LINGO2: variants seen among roughly 807,000 people sequenced by gnomAD.
The protein encoded by LINGO2 is leucine-rich repeat and immunoglobulin-like domain-containing nogo receptor-interacting protein 2.
A neutral mutation model predicts 30.6 loss-of-function variants in LINGO2; 14 were observed. That is an observed-to-expected ratio of 0.46 (90% CI 0.30 to 0.72). The LOEUF is 0.72. Among genes scored for constraint, LINGO2 ranks in the 30% least tolerant of loss-of-function variants. The pLI, the probability that LINGO2 is intolerant of heterozygous loss-of-function variation, is 0.07. For synonymous variants in LINGO2, 317 were observed against 288.5 expected, an observed-to-expected ratio of 1.10 and a Z score of -1.00; for missense variants, 729 against 751.7, an observed-to-expected ratio of 0.97 and a Z score of 0.35.
At chr9:28,928,336 T>C in the LINGO2 span, among the ~76,000 whole-genome samples, 1 of 152,226 alleles carries the variant, frequency 6.6e-6, no homozygotes. Flanking sequence ...TATCTAAGTA[T>C]GTGAACTTTA....
chr9:28,539,363 G>A (rs1821577648), intron 1 of LINGO2, among the ~76,000 whole-genome samples: 2 of 152,044 alleles, frequency 1.3e-5, no homozygotes, highest in Admixed American at 1.3e-4. Context: ...TGTTTAATAA[G>A]TACTAAAAGA....
At chr9:28,176,187 G>A (rs1828745332) in intron 4 of LINGO2, among the ~76,000 whole-genome samples, 1 of 152,108 alleles carries the variant, frequency 6.6e-6, no homozygotes, top group Non-Finnish European at 1.5e-5. Context: ...CCAGTCACAG[G>A]AGGCTACTCT....
At chr9:29,010,236 G>C in the LINGO2 span, among the ~76,000 whole-genome samples, 34 of 152,294 alleles carry the variant, frequency 2.2e-4, no homozygotes, top group Non-Finnish European at 4.4e-4. Flanking sequence ...CCGTCAGAGT[G>C]AACTGGCAAC....
At chr9:28,122,996 T>C (rs940497125) in intron 4 of LINGO2, among the ~76,000 whole-genome samples, 1 of 152,238 alleles carries the variant, frequency 6.6e-6, no homozygotes. Flanking sequence ...TTTTATGTTT[T>C]TGTTTATTTG....
chr9:28,766,662 T>A, the LINGO2 span, among the ~76,000 whole-genome samples: 2 of 151,918 alleles, frequency 1.3e-5, no homozygotes, highest in African/African-American at 4.8e-5. Context: ...ACCTAAGATA[T>A]AAAATTACCT....
At chr9:28,482,107 A>T (rs1825996090) in intron 1 of LINGO2, among the ~76,000 whole-genome samples, 1 of 152,116 alleles carries the variant, frequency 6.6e-6, no homozygotes, top group African/African-American at 2.4e-5. Context: ...TCTTTATAGC[A>T]GCATGATTTA....
At chr9:28,707,705 T>C in the LINGO2 span, among the ~76,000 whole-genome samples, 8 of 152,068 alleles carry the variant, frequency 5.3e-5, no homozygotes, top group African/African-American at 1.9e-4. Flanking sequence ...CTGGTCTGTT[T>C]GGAGGCCTAA....
the LINGO2 span, among the ~76,000 whole-genome samples, chr9:28,934,277 T>G: frequency 6.6e-6 from 1 of 152,308 alleles, no homozygotes; most frequent in East Asian, 1.9e-4. Context: ...TTCAGCAAAA[T>G]AGAACTTAAA....
intron 4 of LINGO2, among the ~76,000 whole-genome samples, chr9:28,066,154 TA>T (rs1825307115): frequency 6.6e-6 from 1 of 152,080 alleles, no homozygotes; most frequent in South Asian, 2.1e-4. Flanking sequence ...TTAATTTACC[TA>T]ATCTTTAAGC....
At chr9:28,880,627 A>G in the LINGO2 span, among the ~76,000 whole-genome samples, 2 of 152,140 alleles carry the variant, frequency 1.3e-5, no homozygotes, top group African/African-American at 4.8e-5. Flanking sequence ...ACCGTCACCC[A>G]GCCCAACACC....
chr9:28,309,295 A>G (rs1806846572), intron 3 of LINGO2, among the ~76,000 whole-genome samples: 1 of 152,094 alleles, frequency 6.6e-6, no homozygotes, highest in South Asian at 2.1e-4. Context: ...ACATGGATGA[A>G]ATTGGAAATC....
At chr9:28,574,448 C>T (rs1489990758) in intron 1 of LINGO2, among the ~76,000 whole-genome samples, 1 of 152,064 alleles carries the variant, frequency 6.6e-6, no homozygotes, top group Non-Finnish European at 1.5e-5. Flanking sequence ...ACTAGTCTTG[C>T]AGGTTGAGAT....
At chr9:28,547,004 T>C (rs941374085) in intron 1 of LINGO2, among the ~76,000 whole-genome samples, 3 of 152,066 alleles carry the variant, frequency 2.0e-5, no homozygotes, top group Non-Finnish European at 4.4e-5. Flanking sequence ...AAAAATTGAC[T>C]GGGAAAAGTT....
At chr9:29,196,879 G>A in the LINGO2 span, among the ~76,000 whole-genome samples, 1 of 151,958 alleles carries the variant, frequency 6.6e-6, no homozygotes, top group African/African-American at 2.4e-5. Context: ...GTATTATAGT[G>A]CATTCTTCCT....
At chr9:28,066,971 AC>A (rs1299251119) in intron 4 of LINGO2, among the ~76,000 whole-genome samples, 1 of 151,670 alleles carries the variant, frequency 6.6e-6, no homozygotes, top group Non-Finnish European at 1.5e-5. Context: ...AAAATTCTAC[AC>A]CTCCTCACCA....
chr9:28,096,291 G>A (rs1008734028), intron 4 of LINGO2, among the ~76,000 whole-genome samples: 2 of 152,114 alleles, frequency 1.3e-5, no homozygotes, highest in Non-Finnish European at 2.9e-5. Context: ...ATAAATGGTA[G>A]TAAATTACTA....
At chr9:28,791,618 A>G in the LINGO2 span, among the ~76,000 whole-genome samples, 2 of 152,044 alleles carry the variant, frequency 1.3e-5, no homozygotes. Context: ...ATTGGACCAG[A>G]TATTGTAAAA....
the LINGO2 span, among the ~76,000 whole-genome samples, chr9:28,756,876 C>T: frequency 6.4e-4 from 97 of 150,504 alleles, 2 homozygotes; most frequent in African/African-American, 2.1e-3. Flanking sequence ...TTTTTTTCTT[C>T]GAATAAATAA....
intron 4 of LINGO2, among the ~76,000 whole-genome samples, chr9:28,078,929 A>G (rs2133208619): frequency 6.7e-6 from 1 of 148,890 alleles, no homozygotes. Flanking sequence ...AGTTTGTAGA[A>G]AATAATGAAG....
Sources: gnomAD v4.1 joint callset for allele counts (sites outside exome capture counted in the v4.1 genomes callset) on GRCh38, gnomAD v4.1.1 for gene constraint, MANE v1.5 for transcripts, NCBI Gene and HGNC (gene_info 2026-07-23, HGNC 2026-07-21) for gene names.